The following SLC44A3 variants were observed in gnomAD, a reference collection of about 807,000 sequenced individuals.
SLC44A3 encodes solute carrier family 44 member 3, also known as choline transporter-like protein 3.
A neutral mutation model predicts 75.4 loss-of-function variants in SLC44A3; 74 were observed. The ratio of observed to expected loss-of-function variants is 0.98; its 90% CI spans 0.81 to 1.19. SLC44A3 has a LOEUF of 1.19. SLC44A3 is among the 50% of genes most tolerant of loss of function. The pLI is 0.00. For missense variants in SLC44A3, 700 were observed against 778.6 expected (o/e 0.90, Z 1.20); for synonymous variants, 310 against 296.9 (o/e 1.04, Z -0.45).
At chr1:94,842,189 A>G in intron 8 of SLC44A3, 65 bp downstream of exon 8, 2 of 1,494,960 alleles carry the variant, frequency 1.3e-6, no homozygotes, top group Non-Finnish European at 1.8e-6. Flanking sequence ...CAAATCATTG[A>G]ATTCTAGCCA....
At chr1:94,856,144 A>G (rs189084318) in intron 9 of SLC44A3, among the ~76,000 whole-genome samples, 2 of 152,308 alleles carry the variant, frequency 1.3e-5, no homozygotes, top group Admixed American at 1.3e-4. Flanking sequence ...TGCTGGCCTC[A>G]GTTGAAAGTA....
chr1:94,869,336 A>G (rs1667510104), intron 12 of SLC44A3, among the ~76,000 whole-genome samples: 1 of 152,218 alleles, frequency 6.6e-6, no homozygotes, highest in Non-Finnish European at 1.5e-5. Flanking sequence ...AATGGAAGTA[A>G]TGATCCCTGA....
chr1:94,865,038 C>T, intron 11 of SLC44A3, 139 bp downstream of exon 11: 1 of 716,026 alleles, frequency 1.4e-6, no homozygotes, highest in Non-Finnish European at 2.2e-6. Flanking sequence ...CACTCCTCAG[C>T]TCCCATCCCC....
chr1:94,839,514 G>A (rs541966655), intron 6 of SLC44A3, among the ~76,000 whole-genome samples: 2 of 151,960 alleles, frequency 1.3e-5, no homozygotes, highest in South Asian at 2.1e-4. Context: ...TCAGCCTCCC[G>A]AGTAGCTGGG....
At chr1:94,875,998 C>T (rs1668243086) in intron 12 of SLC44A3, among the ~76,000 whole-genome samples, 1 of 152,206 alleles carries the variant, frequency 6.6e-6, no homozygotes, top group East Asian at 1.9e-4. Flanking sequence ...TGTGAAAACA[C>T]TGTGTTCTGA....
chr1:94,821,019 C>A lies in SLC44A3; in HGVS notation c.98C>A (p.Ala33Glu). 6.4e-7 allele frequency: 1 copy of A among 1,551,494 alleles called. No homozygotes were observed. Among genetic ancestry groups the A allele is most frequent in the Non-Finnish European group, 8.7e-7 (1 of 1,146,868 alleles). Residue 33 changes from alanine (A) to glutamate (E), a missense_variant, in exon 2 of 15, where the codon GCA becomes GAA. Physicochemically the swap from Ala to Glu is moderately radical, Grantham distance 107. Coordinates refer to ENST00000271227, the MANE Select transcript of SLC44A3 (RefSeq NM_001114106.3). ...ATTTATAGGAAATGCACAGATACGG[C>A]ATGGTTATTCCTGTTCTTTCTCTTT... Reference protein sequence around the residue: ...PQIYRKCTDTAWLFLFFLFWT... With the variant: ...PQIYRKCTDTEWLFLFFLFWT...
At chr1:94,876,350 G>A (rs1469839808) in intron 12 of SLC44A3, among the ~76,000 whole-genome samples, 1 of 152,212 alleles carries the variant, frequency 6.6e-6, no homozygotes, top group Non-Finnish European at 1.5e-5. Flanking sequence ...ATAGAGAGCA[G>A]GATTCTTTGG....
chr1:94,835,419 T>A lies in SLC44A3; in HGVS notation c.510-2292T>A, dbSNP rs530347773. Among the ~76,000 whole-genome samples the A allele has an allele frequency of 1.7e-4, 26 of 152,324 alleles. 1 individual carries two copies. The South Asian group carries it at 5.4e-3, about 32-fold the overall frequency. ...ATAAAGGCTGTAGTTTAGTTAGTAG[T>A]TTAGTGACAATGTTAAATCTTAATT... On this transcript the variant is annotated intron_variant, in intron 5 of 14. Coordinates refer to ENST00000271227, the MANE Select transcript of SLC44A3 (RefSeq NM_001114106.3).
At chr1:94,859,507 G>A (rs1243756568) in intron 10 of SLC44A3, among the ~76,000 whole-genome samples, 1 of 152,198 alleles carries the variant, frequency 6.6e-6, no homozygotes, top group African/African-American at 2.4e-5. Context: ...GGACAAATAA[G>A]ATGCAGCCTG....
chr1:94,830,253 C>T (rs1207137658), intron 5 of SLC44A3, among the ~76,000 whole-genome samples: 2 of 152,122 alleles, frequency 1.3e-5, no homozygotes, highest in African/African-American at 4.8e-5. Flanking sequence ...GCTCTTGTCA[C>T]CCAGGCTGGA....
At chr1:94,849,716 C>T (rs1187165326) in intron 9 of SLC44A3, among the ~76,000 whole-genome samples, 4 of 152,126 alleles carry the variant, frequency 2.6e-5, no homozygotes, top group South Asian at 2.1e-4. Context: ...TGTGTGTGGG[C>T]GTCCTCAGTA....
intron 1 of SLC44A3, 181 bp downstream of exon 1, chr1:94,820,659 G>T: frequency 7.2e-7 from 1 of 1,385,538 alleles, no homozygotes; most frequent in Non-Finnish European, 9.3e-7. Flanking sequence ...CAGTGCTGGG[G>T]CGGAGGCGGG....
intron 5 of SLC44A3, among the ~76,000 whole-genome samples, chr1:94,833,110 C>T (rs3860355): frequency 0.54 from 82,028 of 151,394 alleles, 22,242 homozygotes; most frequent in East Asian, 0.69. Flanking sequence ...TGTAGTCAGC[C>T]TCCCTTCTCC....
chr1:94,870,207 C>T (rs1461807511), intron 12 of SLC44A3, among the ~76,000 whole-genome samples: 1 of 152,214 alleles, frequency 6.6e-6, no homozygotes, highest in Non-Finnish European at 1.5e-5. Flanking sequence ...ATGTTCACCT[C>T]ACACATGCGT....
intron 12 of SLC44A3, 85 bp downstream of exon 12, chr1:94,867,502 T>C (rs1667301745): frequency 1.3e-5 from 14 of 1,086,064 alleles, no homozygotes; most frequent in Non-Finnish European, 1.7e-5. Flanking sequence ...GGCAAATTCT[T>C]CTCTAAGGGG....
chr1:94,880,863 C>A, intron 12 of SLC44A3, among the ~76,000 whole-genome samples: 1 of 144,556 alleles, frequency 6.9e-6, no homozygotes, highest in South Asian at 2.2e-4. Context: ...TTAAAAGCGG[C>A]TAAGATGGTA....
intron 2 of SLC44A3, among the ~76,000 whole-genome samples, chr1:94,823,077 C>T (rs1234299407): frequency 6.6e-6 from 1 of 152,150 alleles, no homozygotes; most frequent in Non-Finnish European, 1.5e-5. Context: ...TCCCACCTCT[C>T]CCACCCAGAA....
At chr1:94,832,425 A>C (rs1355742787) in intron 5 of SLC44A3, among the ~76,000 whole-genome samples, 1 of 152,210 alleles carries the variant, frequency 6.6e-6, no homozygotes, top group Non-Finnish European at 1.5e-5. Flanking sequence ...TGTAAGTATA[A>C]ACCTATAAAT....
At chr1:94,865,004 A>C in intron 11 of SLC44A3, 105 bp downstream of exon 11, 8 of 1,268,898 alleles carry the variant, frequency 6.3e-6, no homozygotes, top group Non-Finnish European at 7.6e-6. Flanking sequence ...GACCTGTGAC[A>C]GCGGGCCGTG....
Sources: allele counts gnomAD v4.1 joint callset (sites outside exome capture counted in the v4.1 genomes callset), GRCh38; gene constraint gnomAD v4.1.1; transcripts MANE v1.5; gene names NCBI Gene and HGNC (gene_info 2026-07-23, HGNC 2026-07-21).